SMCHD1: variants seen among roughly 807,000 people sequenced by gnomAD.
SMCHD1 encodes the protein structural maintenance of chromosomes flexible hinge domain containing 1, also known as structural maintenance of chromosomes flexible hinge domain-containing protein 1.
SMCHD1 carries 78 observed loss-of-function variants against 254.7 expected under a neutral mutation model. That is an observed-to-expected ratio of 0.31 (90% CI 0.26 to 0.37). The LOEUF is 0.37. Among genes scored for constraint, SMCHD1 ranks in the 10% least tolerant of loss-of-function variants. SMCHD1 has a pLI of 1.00. For missense variants in SMCHD1, 1,840 were observed against 2,408.1 expected (o/e 0.76, Z 4.94); for synonymous variants, 766 against 794.9 (o/e 0.96, Z 0.61).
At chr18:2,793,526 G>A (rs2076204515) in intron 45 of SMCHD1, among the ~76,000 whole-genome samples, 1 of 151,958 alleles carries the variant, frequency 6.6e-6, no homozygotes, top group Non-Finnish European at 1.5e-5. Context: ...TCAGCTGGGT[G>A]TGGTGGCGGG....
At position 2,694,515 on chromosome 18, in the gene SMCHD1, T is replaced by G. The variant is rs1457434171; in HGVS notation, c.874-12T>G. The G allele has an allele frequency of 6.5e-7, 1 of 1,541,388 alleles. No individual in the cohort carries two copies. Among genetic ancestry groups the G allele is most frequent in the South Asian group, 1.2e-5 (1 of 83,352 alleles). On this transcript the variant is annotated splice_polypyrimidine_tract_variant and intron_variant, in intron 7 of 47. Transcript: ENST00000320876. ...ATGATTTAATCTGTTGTATTTCTGTTCACTCTTGTAGCCCTCTGATTCTGT... is the reference window on the plus strand; with the variant it reads ...ATGATTTAATCTGTTGTATTTCTGTGCACTCTTGTAGCCCTCTGATTCTGT...
intron 44 of SMCHD1, chr18:2,778,928 T>C (rs2076110666): frequency 6.6e-6 from 1 of 152,256 alleles, no homozygotes; most frequent in Non-Finnish European, 1.5e-5. Context: ...GACTTTAACA[T>C]GGATTTGTTG....
chr18:2,754,541 A>G (rs995583242), intron 34 of SMCHD1, among the ~76,000 whole-genome samples: 13 of 152,214 alleles, frequency 8.5e-5, no homozygotes, highest in Non-Finnish European at 1.6e-4. Context: ...AGGGAAGCTC[A>G]CTGGGGACTC....
intron 47 of SMCHD1, among the ~76,000 whole-genome samples, chr18:2,801,667 T>G (rs2076365195): frequency 1.3e-5 from 2 of 152,190 alleles, no homozygotes; most frequent in African/African-American, 4.8e-5. Flanking sequence ...TATTTATGTT[T>G]ATGTTTTTAT....
intron 45 of SMCHD1, among the ~76,000 whole-genome samples, chr18:2,787,600 ACT>A (rs1423139806): frequency 6.6e-6 from 1 of 152,110 alleles, no homozygotes; most frequent in African/African-American, 2.4e-5. Context: ...AAAGGCCTAG[ACT>A]CTATACCTAA....
At position 2,796,441 on chromosome 18, in the gene SMCHD1, G is replaced by A. The variant is rs531019297; in HGVS notation, c.5913G>A (p.Leu1971=). 1.2e-6 allele frequency: 2 copies of A among 1,604,130 alleles called. No individual in the cohort carries two copies. Among genetic ancestry groups the A allele is most frequent in the Admixed American group, 1.7e-5 (1 of 58,628 alleles). The change falls in exon 47 of 48, where the codon TTG becomes TTA. Residue 1971 remains leucine (L), a synonymous_variant. Transcript: ENST00000320876. ...MTPIRKCNDS[L]RHSPKVETTD... ...CCATACGTAAGTGTAATGACTCATT[G>A]CGTCATTCACCAAAGGTTGAGACGA...
intron 3 of SMCHD1, among the ~76,000 whole-genome samples, chr18:2,668,427 A>C (rs1486572631): frequency 6.6e-6 from 1 of 152,196 alleles, no homozygotes; most frequent in African/African-American, 2.4e-5. Flanking sequence ...TGTTTTGCAG[A>C]ATTAACTGGG....
intron 44 of SMCHD1, among the ~76,000 whole-genome samples, chr18:2,782,744 C>CAAAAAAAAAAA (rs779083565): frequency 4.7e-4 from 21 of 44,962 alleles, no homozygotes; most frequent in African/African-American, 9.5e-4. Context: ...GACCACAACT[C>CAAAAAAAAAAA]AAAAAAAAAA....
At chr18:2,688,774 T>C (rs995481486) in intron 7 of SMCHD1, 27 bp downstream of exon 7, 6 of 1,217,790 alleles carry the variant, frequency 4.9e-6, no homozygotes, top group Non-Finnish European at 6.9e-6. Flanking sequence ...CTCATAATTA[T>C]AAATTTACTC....
At chr18:2,748,376 G>GTGTGTGTGTGTGTGTGTA (rs2075502339) in intron 30 of SMCHD1, among the ~76,000 whole-genome samples, 4 of 27,960 alleles carry the variant, frequency 1.4e-4, no homozygotes, top group African/African-American at 4.1e-4. Flanking sequence ...GTGTGTGTGT[G>GTGTGTGTGTGTGTGTGTA]TGTGTGTATA....
intron 24 of SMCHD1, among the ~76,000 whole-genome samples, chr18:2,731,356 C>T (rs1264057605): frequency 2.6e-5 from 4 of 152,074 alleles, no homozygotes; most frequent in African/African-American, 7.2e-5. Context: ...ATTTTGTGTG[C>T]CTAAAATCAA....
At chr18:2,709,150 C>G (rs1012599117) in intron 17 of SMCHD1, among the ~76,000 whole-genome samples, 1 of 149,544 alleles carries the variant, frequency 6.7e-6, no homozygotes, top group Non-Finnish European at 1.5e-5. Flanking sequence ...TGGCCTGTTT[C>G]GCTTAGCATA....
intron 1 of SMCHD1, among the ~76,000 whole-genome samples, chr18:2,662,667 CA>C (rs745838636): frequency 0.053 from 1,907 of 35,752 alleles, 23 homozygotes; most frequent in African/African-American, 0.087. Flanking sequence ...AACAAAAAAC[CA>C]AAAAAAAAAA....
At chr18:2,755,300 C>G (rs1427584289) in intron 34 of SMCHD1, among the ~76,000 whole-genome samples, 2 of 152,004 alleles carry the variant, frequency 1.3e-5, no homozygotes, top group African/African-American at 4.8e-5. Flanking sequence ...AGCCTACCAA[C>G]TAGCTGGGAC....
rs763699437 is a variant in SMCHD1, at chr18:2,762,131, A to G, written c.4461A>G (p.Gln1487=). The change falls in exon 36 of 48, where the codon CAA becomes CAG. Residue 1487 remains glutamine (Q), a synonymous_variant. Transcript: ENST00000320876. The part of the protein sequence containing the change: ...EQVIVEVLPN[Q]PVKLVPKIKP... ...TTATAGTTGAAGTCCTGCCTAATCA[A>G]CCTGTGAAGTTAGTACCTAAAATTA... 4.2e-5 allele frequency: 68 copies of G among 1,613,662 alleles called. No homozygotes were observed. In the Middle Eastern group the frequency reaches 6.6e-4, roughly 16 times the overall value.
intron 3 of SMCHD1, among the ~76,000 whole-genome samples, chr18:2,670,900 TAAAAAA>T (rs372225530): frequency 8.6e-6 from 1 of 116,616 alleles, no homozygotes; most frequent in African/African-American, 3.3e-5. Flanking sequence ...AGACTGCATC[TAAAAAA>T]AAAAAAAAAG....
intron 45 of SMCHD1, among the ~76,000 whole-genome samples, chr18:2,795,367 CTG>C (rs2076243965): frequency 6.6e-6 from 1 of 152,138 alleles, no homozygotes; most frequent in African/African-American, 2.4e-5. Flanking sequence ...CCTAAAAATT[CTG>C]TGTTTAAAAA....
At chr18:2,706,566 G>T in intron 15 of SMCHD1, 96 bp downstream of exon 15, 2 of 801,224 alleles carry the variant, frequency 2.5e-6, no homozygotes, top group Non-Finnish European at 4.0e-6. Flanking sequence ...TGCTGTTAGG[G>T]CATTTGTAGT....
chr18:2,694,842 G>A (rs528161894), intron 8 of SMCHD1, 149 bp downstream of exon 8: 9 of 638,192 alleles, frequency 1.4e-5, no homozygotes, highest in Middle Eastern at 8.6e-4. Context: ...TGATATTGGT[G>A]TTAAAACAGC....
Sources: gnomAD v4.1 joint callset for allele counts (sites outside exome capture counted in the v4.1 genomes callset) on GRCh38, gnomAD v4.1.1 for gene constraint, MANE v1.5 for transcripts, NCBI Gene and HGNC (gene_info 2026-07-23, HGNC 2026-07-21) for gene names.